MCHR2: variants seen among roughly 807,000 people sequenced by gnomAD.
The protein encoded by MCHR2 is melanin-concentrating hormone receptor 2.
A neutral mutation model predicts 24.8 loss-of-function variants in MCHR2; 15 were observed. The observed-to-expected ratio is 0.60, with a 90% CI of 0.40 to 0.93. The LOEUF is 0.93. Ranked by LOEUF, MCHR2 falls within the 40% of genes least tolerant of loss-of-function variation. The pLI, the probability that MCHR2 is intolerant of heterozygous loss-of-function variation, is 0.00. For synonymous variants in MCHR2, 151 were observed against 147.6 expected (o/e 1.02, Z -0.17); for missense variants, 386 against 408.7 (o/e 0.94, Z 0.48).
chr6:99,947,630 C>A, intron 3 of MCHR2, 132 bp downstream of exon 3: 1 of 717,080 alleles, frequency 1.4e-6, no homozygotes, highest in South Asian at 2.7e-5. Flanking sequence ...CTTAAGTAAT[C>A]AGTTCTACAG....
At chr6:99,974,180 A>G (rs932278384) in intron 1 of MCHR2, among the ~76,000 whole-genome samples, 8 of 152,202 alleles carry the variant, frequency 5.3e-5, no homozygotes, top group African/African-American at 1.4e-4. Context: ...CATTCTCCCC[A>G]TCACTTTCAG....
At chr6:99,960,412 T>C (rs576861344) in intron 1 of MCHR2, among the ~76,000 whole-genome samples, 59 of 152,218 alleles carry the variant, frequency 3.9e-4, no homozygotes, top group African/African-American at 1.3e-3. Flanking sequence ...CTGCCCAAGG[T>C]AATTTATAGA....
intron 1 of MCHR2, among the ~76,000 whole-genome samples, chr6:99,983,822 T>C (rs1014744283): frequency 6.6e-6 from 1 of 152,218 alleles, no homozygotes; most frequent in Non-Finnish European, 1.5e-5. Context: ...TTTAAGGGAT[T>C]TTTTTCTACA....
At position 99,947,920 on chromosome 6, in the gene MCHR2, A is replaced by G. The variant is rs1427430133; in HGVS notation, c.234T>C (p.Ala78=). 1 of 1,613,734 alleles carries G rather than the reference A, an allele frequency of 6.2e-7. No individual in the cohort carries two copies. Among genetic ancestry groups the G allele is most frequent in the Non-Finnish European group, 8.5e-7 (1 of 1,179,782 alleles). ...PDIYICNLAV[A]DLVHIVGMPF... is the part of the protein sequence containing the mutation. ...GCATTCCAACTATGTGGACCAAATC[A>G]GCCACAGCCAGGTTGCAGATATAGA... is the stretch of plus-strand genomic sequence containing the variant. The change falls in exon 3 of 6, where the codon GCT becomes GCC. Residue 78 remains alanine, a synonymous_variant. Coordinates refer to ENST00000281806, the MANE Select transcript of MCHR2 (RefSeq NM_001040179.2).
At position 99,987,613 on chromosome 6, in the gene MCHR2, T is replaced by C. The variant is rs1775793271; in HGVS notation, c.-28+6323A>G. On this transcript the variant is annotated intron_variant, in intron 1 of 5. Coordinates refer to ENST00000281806, the MANE Select transcript of MCHR2 (RefSeq NM_001040179.2). ...AACATTCCATGCTTTTTCCACTACA[T>C]TATGCTTCTTCTGAAAGTCTGCATA... Among the ~76,000 whole-genome samples the C allele has an allele frequency of 2.6e-5, 4 of 152,340 alleles. No homozygotes were observed. The South Asian group carries it at 8.3e-4, about 32-fold the overall frequency.
chr6:99,971,982 T>A (rs1240694185), intron 1 of MCHR2, among the ~76,000 whole-genome samples: 5 of 152,258 alleles, frequency 3.3e-5, no homozygotes, highest in Non-Finnish European at 7.3e-5. Flanking sequence ...ATTGAGGATT[T>A]TTGCATCAAT....
intron 5 of MCHR2, among the ~76,000 whole-genome samples, chr6:99,932,269 G>C (rs1483638178): frequency 6.6e-6 from 1 of 152,172 alleles, no homozygotes; most frequent in South Asian, 2.1e-4. Flanking sequence ...GACTCAATGT[G>C]TGAAAGAAAC....
At chr6:99,970,880 G>A (rs1206694557) in intron 1 of MCHR2, among the ~76,000 whole-genome samples, 15 of 152,182 alleles carry the variant, frequency 9.9e-5, no homozygotes, top group African/African-American at 2.7e-4. Flanking sequence ...GTAGATATGC[G>A]GCATTATTTC....
intron 1 of MCHR2, among the ~76,000 whole-genome samples, chr6:99,985,088 T>C (rs541954086): frequency 6.6e-6 from 1 of 151,810 alleles, no homozygotes; most frequent in East Asian, 1.9e-4. Context: ...GCTACCAAAA[T>C]AAAATAAAAT....
At chr6:99,921,466 CGTT>C (rs1200496984) in intron 5 of MCHR2, among the ~76,000 whole-genome samples, 2 of 151,622 alleles carry the variant, frequency 1.3e-5, no homozygotes, top group Non-Finnish European at 2.9e-5. Flanking sequence ...AACTTTTTTT[CGTT>C]GTTGTTAATT....
At chr6:99,987,686 TCAAAA>T (rs1775795072) in intron 1 of MCHR2, among the ~76,000 whole-genome samples, 3 of 151,890 alleles carry the variant, frequency 2.0e-5, no homozygotes, top group African/African-American at 7.3e-5. Context: ...GCAAAAGAGA[TCAAAA>T]CAGCACACAG....
At chr6:99,965,721 A>G (rs1425310961) in intron 1 of MCHR2, among the ~76,000 whole-genome samples, 1 of 152,176 alleles carries the variant, frequency 6.6e-6, no homozygotes, top group Non-Finnish European at 1.5e-5. Flanking sequence ...TGGATCATAT[A>G]TGCAAATGAA....
intron 1 of MCHR2, among the ~76,000 whole-genome samples, chr6:99,972,842 G>C (rs907524451): frequency 4.6e-5 from 7 of 152,108 alleles, no homozygotes; most frequent in African/African-American, 1.4e-4. Flanking sequence ...TCAGGAGCAG[G>C]TTGTTCAGTT....
intron 1 of MCHR2, among the ~76,000 whole-genome samples, chr6:99,959,857 GT>G (rs1258542833): frequency 2.0e-5 from 3 of 148,798 alleles, no homozygotes; most frequent in Non-Finnish European, 3.0e-5. Context: ...ATAATAATAG[GT>G]AAAAAAAGCC....
intron 1 of MCHR2, among the ~76,000 whole-genome samples, chr6:99,965,959 G>A (rs556763154): frequency 8.5e-5 from 13 of 152,248 alleles, no homozygotes; most frequent in African/African-American, 2.2e-4. Context: ...ATTTGGCTAC[G>A]TATTAATTTC....
intron 1 of MCHR2, among the ~76,000 whole-genome samples, chr6:99,987,512 C>T (rs1027121425): frequency 6.6e-6 from 1 of 152,040 alleles, no homozygotes; most frequent in Non-Finnish European, 1.5e-5. Flanking sequence ...ATTCTTTTTG[C>T]TTTGGGTTAA....
chr6:99,928,880 C>A (rs1355234092), intron 5 of MCHR2, among the ~76,000 whole-genome samples: 1 of 152,142 alleles, frequency 6.6e-6, no homozygotes, highest in Non-Finnish European at 1.5e-5. Flanking sequence ...CTTCTGCTAG[C>A]TTTTGAATGT....
At chr6:99,971,965 G>A (rs1775432284) in intron 1 of MCHR2, among the ~76,000 whole-genome samples, 1 of 152,196 alleles carries the variant, frequency 6.6e-6, no homozygotes, top group African/African-American at 2.4e-5. Flanking sequence ...CGGTTTGCCA[G>A]TATTTTATTG....
In MCHR2 at chr6:99,926,823, C is replaced by T. The variant is rs192765812; in HGVS notation, c.708-5568G>A. Among the ~76,000 whole-genome samples, 1,076 of 152,046 alleles carry T rather than the reference C, an allele frequency of 7.1e-3. 5 individuals carry two copies. Among genetic ancestry groups the T allele is most frequent in the Middle Eastern group, 0.014 (4 of 294 alleles). ...CTGATGGTAGTTTCTTTTGCTGTGCCGAAGCTCTTCAGTTTAATTAGACTC... is the reference window on the plus strand; with the variant it reads ...CTGATGGTAGTTTCTTTTGCTGTGCTGAAGCTCTTCAGTTTAATTAGACTC... On this transcript the variant is annotated intron_variant, in intron 5 of 5. Coordinates refer to ENST00000281806, the MANE Select transcript of MCHR2 (RefSeq NM_001040179.2).
Sources: allele counts gnomAD v4.1 joint callset (sites outside exome capture counted in the v4.1 genomes callset), GRCh38; gene constraint gnomAD v4.1.1; transcripts MANE v1.5; gene names NCBI Gene and HGNC (gene_info 2026-07-23, HGNC 2026-07-21).